The following COG5 variants were observed in gnomAD, a reference collection of about 807,000 sequenced individuals.
COG5 encodes the protein conserved oligomeric Golgi complex subunit 5.
Under a neutral mutation model 110.4 loss-of-function variants are expected in COG5, and 86 were observed. The ratio of observed to expected loss-of-function variants is 0.78; its 90% CI spans 0.65 to 0.93. The LOEUF is 0.93. Among genes scored for constraint, COG5 ranks in the 40% least tolerant of loss-of-function variants. COG5 has a pLI of 0.00. For missense variants in COG5, 1,077 were observed against 987.0 expected (o/e 1.09, Z -1.22); for synonymous variants, 360 against 334.6 (o/e 1.08, Z -0.83).
In COG5 at chr7:107,404,035, A is replaced by T. The variant is rs773642742; in HGVS notation, c.669+8467T>A. On this transcript the variant is annotated intron_variant, in intron 7 of 21. Coordinates refer to ENST00000297135, the MANE Select transcript of COG5 (RefSeq NM_006348.5). ...TAGTTTTTAACAAAAGATCTCATTG[A>T]ATTATCAGTCAATAACCAAAAATCT... Among the ~76,000 whole-genome samples, 4 of 152,302 alleles carry T rather than the reference A, an allele frequency of 2.6e-5. No individual in the cohort carries two copies. In the South Asian group the frequency reaches 6.2e-4, roughly 24 times the overall value.
chr7:107,427,928 C>T (rs1042095178), intron 6 of COG5, among the ~76,000 whole-genome samples: 8 of 152,000 alleles, frequency 5.3e-5, no homozygotes, highest in African/African-American at 1.7e-4. Context: ...CACTCAAAGG[C>T]GGGTATCTCT....
At chr7:107,410,003 G>A (rs1183649083) in intron 7 of COG5, among the ~76,000 whole-genome samples, 3 of 152,226 alleles carry the variant, frequency 2.0e-5, no homozygotes, top group East Asian at 3.8e-4. Flanking sequence ...CAGTCTTACA[G>A]TTGTCTGTTT....
intron 6 of COG5, among the ~76,000 whole-genome samples, chr7:107,488,423 T>C (rs1484178362): frequency 2.6e-5 from 4 of 152,210 alleles, no homozygotes; most frequent in Non-Finnish European, 5.9e-5. Context: ...CTTGTTTCTC[T>C]TGTGTTTTGC....
chr7:107,327,597 T>G (rs983230137), intron 10 of COG5, among the ~76,000 whole-genome samples: 1 of 151,962 alleles, frequency 6.6e-6, no homozygotes, highest in Non-Finnish European at 1.5e-5. Context: ...AATTCAACAA[T>G]TAAAAAAACA....
chr7:107,400,865 C>T (rs1037063630), intron 7 of COG5, among the ~76,000 whole-genome samples: 2 of 152,008 alleles, frequency 1.3e-5, no homozygotes, highest in African/African-American at 4.8e-5. Flanking sequence ...TCATACTTTA[C>T]ATTTGGTGTA....
intron 21 of COG5, chr7:107,209,905 G>T (rs771883971): frequency 7.1e-6 from 7 of 986,228 alleles, no homozygotes; most frequent in Non-Finnish European, 8.4e-6. Context: ...GAGGTCTCTG[G>T]TGATGGTGAG....
At chr7:107,353,098 G>A (rs1466075286) in intron 10 of COG5, among the ~76,000 whole-genome samples, 2 of 152,098 alleles carry the variant, frequency 1.3e-5, no homozygotes, top group Admixed American at 6.6e-5. Flanking sequence ...ATTTAAAAAT[G>A]AAATACTGCA....
Position 107,294,092 on chromosome 7 carries a change from A to G in COG5, c.1313+4050T>C, listed in dbSNP as rs536076493. 2.6e-5 allele frequency among the ~76,000 whole-genome samples: 4 copies of G among 152,152 alleles called. No individual in the cohort carries two copies. The East Asian group carries it at 7.7e-4, about 29-fold the overall frequency. ...CATCTAAAAAAATAAAAATAAAAAT[A>G]AGTGCATGATTACTTCCAAATACAT... On this transcript the variant is annotated intron_variant, in intron 12 of 21. Coordinates refer to ENST00000297135, the MANE Select transcript of COG5 (RefSeq NM_006348.5).
At chr7:107,510,802 C>T (rs1383522497) in intron 6 of COG5, among the ~76,000 whole-genome samples, 3 of 152,146 alleles carry the variant, frequency 2.0e-5, no homozygotes, top group Non-Finnish European at 4.4e-5. Flanking sequence ...CTACTGGGTA[C>T]ATAACGAAAT....
chr7:107,561,310 T>C (rs537810060), intron 1 of COG5, among the ~76,000 whole-genome samples: 29 of 152,258 alleles, frequency 1.9e-4, no homozygotes, highest in African/African-American at 6.3e-4. Flanking sequence ...ATCCCCGATA[T>C]AGTGAATCAA....
chr7:107,533,706 C>T (rs904356359), intron 5 of COG5, among the ~76,000 whole-genome samples: 9 of 151,484 alleles, frequency 5.9e-5, no homozygotes, highest in African/African-American at 2.0e-4. Context: ...TACCCGAAAG[C>T]GATGGGGAGA....
chr7:107,506,282 G>A (rs1286677527), intron 6 of COG5, among the ~76,000 whole-genome samples: 1 of 152,154 alleles, frequency 6.6e-6, no homozygotes, highest in Admixed American at 6.6e-5. Flanking sequence ...TATTTGTGTT[G>A]GTCTTATGTT....
intron 6 of COG5, chr7:107,471,272 AC>A (rs1442250116): frequency 1.3e-5 from 2 of 152,094 alleles, no homozygotes; most frequent in African/African-American, 4.8e-5. Context: ...TATTTTGATA[AC>A]AAATACTGGA....
intron 14 of COG5, among the ~76,000 whole-genome samples, chr7:107,268,645 CTTGTGCTTT>C (rs1803995441): frequency 6.6e-6 from 1 of 152,170 alleles, no homozygotes. Flanking sequence ...ATTCTATCCA[CTTGTGCTTT>C]ATTAGTCTGA....
intron 6 of COG5, among the ~76,000 whole-genome samples, chr7:107,510,406 T>C (rs911491766): frequency 6.6e-6 from 1 of 152,168 alleles, no homozygotes; most frequent in African/African-American, 2.4e-5. Flanking sequence ...AGCAAGTCCT[T>C]AGTGACCTAC....
chr7:107,498,512 T>C (rs777743819), intron 6 of COG5, among the ~76,000 whole-genome samples: 1 of 152,050 alleles, frequency 6.6e-6, no homozygotes, highest in Non-Finnish European at 1.5e-5. Flanking sequence ...CCAACAAGTA[T>C]ATAAAAAGAT....
chr7:107,377,301 ATGT>A (rs1332981439), intron 7 of COG5, among the ~76,000 whole-genome samples: 1 of 152,144 alleles, frequency 6.6e-6, no homozygotes, highest in Non-Finnish European at 1.5e-5. Context: ...CATTTTTGAT[ATGT>A]TGTTTTCCAG....
At position 107,508,104 on chromosome 7, in the gene COG5, G is replaced by A. The variant is rs556037757; in HGVS notation, c.538+19133C>T. Reference sequence around the variant, plus strand: ...GCATTGCCTCACTCGGGAAGAGCAAGGGGTCAGGGAGTTCCCTTTCCTAGT... The same window carrying A: ...GCATTGCCTCACTCGGGAAGAGCAAAGGGTCAGGGAGTTCCCTTTCCTAGT... On this transcript the variant is annotated intron_variant, in intron 6 of 21. Transcript: ENST00000297135. 3.0e-3 allele frequency among the ~76,000 whole-genome samples: 459 copies of A among 152,372 alleles called. 3 individuals are homozygous for A. Among genetic ancestry groups the A allele is most frequent in the African/African-American group, 0.01 (432 of 41,598 alleles).
At chr7:107,263,519 G>C (rs1254501299) in intron 14 of COG5, among the ~76,000 whole-genome samples, 1 of 152,024 alleles carries the variant, frequency 6.6e-6, no homozygotes, top group Non-Finnish European at 1.5e-5. Flanking sequence ...AAAGATGTTA[G>C]AAACAAGAAG....
Sources: allele counts gnomAD v4.1 joint callset (sites outside exome capture counted in the v4.1 genomes callset), GRCh38; gene constraint gnomAD v4.1.1; transcripts MANE v1.5; gene names NCBI Gene and HGNC (gene_info 2026-07-23, HGNC 2026-07-21).